Variants in CATSPERB observed in about 807,000 individuals in gnomAD.
CATSPERB encodes the protein cation channel sperm-associated auxiliary subunit beta.
Under a neutral mutation model 128.3 loss-of-function variants are expected in CATSPERB, and 93 were observed. The ratio of observed to expected loss-of-function variants is 0.72; its 90% confidence interval spans 0.61 to 0.86. The LOEUF (loss-of-function observed/expected upper bound fraction) is 0.86. Among genes scored for constraint, CATSPERB ranks in the 40% least tolerant of loss-of-function variants. The pLI, the probability that CATSPERB is intolerant of heterozygous loss-of-function variation, is 0.00. For missense variants in CATSPERB, 1,153 were observed against 1,329.5 expected (o/e 0.87, Z 2.06); for synonymous variants, 381 against 448.8 (o/e 0.85, Z 1.91).
chr14:91,665,056 AT>A (rs145367061), intron 14 of CATSPERB, among the ~76,000 whole-genome samples: 1 of 151,246 alleles, frequency 6.6e-6, no homozygotes. Flanking sequence ...CACCTGGATA[AT>A]TTTTTTTTAT....
chr14:91,646,594 G>A (rs1894611043), intron 15 of CATSPERB, among the ~76,000 whole-genome samples: 1 of 152,068 alleles, frequency 6.6e-6, no homozygotes, highest in African/African-American at 2.4e-5. Context: ...GTCCCTCTCT[G>A]ACCTTATCTC....
chr14:91,589,889 C>A (rs150104627), intron 23 of CATSPERB, among the ~76,000 whole-genome samples: 1 of 152,312 alleles, frequency 6.6e-6, no homozygotes, highest in African/African-American at 2.4e-5. Flanking sequence ...CTCATCACTT[C>A]TATAGGCCCT....
chr14:91,599,312 C>A (rs145655917), intron 22 of CATSPERB, among the ~76,000 whole-genome samples: 3,454 of 152,272 alleles, frequency 0.023, 128 homozygotes, highest in African/African-American at 0.076. Context: ...GTAATCCCAG[C>A]ACTTTGGGAG....
intron 9 of CATSPERB, among the ~76,000 whole-genome samples, chr14:91,692,667 A>C (rs901678046): frequency 1.3e-5 from 2 of 152,090 alleles, no homozygotes; most frequent in Admixed American, 1.3e-4. Context: ...AATTTTTGAG[A>C]GGTACTTGTT....
chr14:91,669,767 G>T, intron 14 of CATSPERB, 47 bp downstream of exon 14: 1 of 1,551,788 alleles, frequency 6.4e-7, no homozygotes, highest in Non-Finnish European at 8.7e-7. Flanking sequence ...CATACAGTAG[G>T]TGGATGATTT....
At chr14:91,627,712 C>T (rs919344248) in intron 17 of CATSPERB, among the ~76,000 whole-genome samples, 2 of 152,202 alleles carry the variant, frequency 1.3e-5, no homozygotes, top group Non-Finnish European at 2.9e-5. Context: ...CCTGTAATCC[C>T]AGCTACTCTG....
At chr14:91,691,950 A>AGCACTTTG (rs1330718103) in intron 9 of CATSPERB, among the ~76,000 whole-genome samples, 1 of 152,108 alleles carries the variant, frequency 6.6e-6, no homozygotes, top group African/African-American at 2.4e-5. Flanking sequence ...AGGCCGCGAT[A>AGCACTTTG]GGCGGATCAC....
At chr14:91,669,045 A>C (rs1299865758) in intron 14 of CATSPERB, among the ~76,000 whole-genome samples, 1 of 152,168 alleles carries the variant, frequency 6.6e-6, no homozygotes, top group Non-Finnish European at 1.5e-5. Flanking sequence ...TTTCTTTATA[A>C]ATTACCCCGT....
Position 91,588,033 on chromosome 14 carries a change from TCTA to T in CATSPERB, c.2999_3001del (p.Val1000del). On this transcript the variant is annotated inframe_deletion, in exon 25 of 27. Coordinates refer to ENST00000256343, the MANE Select transcript of CATSPERB (RefSeq NM_024764.4). ...ATACACTGCAGCACCAAGAATTGGT[TCTA>T]CTAATTGTTTCATTCTTTTAATATT... is the stretch of plus-strand genomic sequence containing the variant. 2 of 1,612,384 alleles carry T rather than the reference TCTA, an allele frequency of 1.2e-6. No homozygotes were observed. The highest frequency in any genetic ancestry group is 1.7e-6 in the Non-Finnish European group (2 of 1,178,786).
chr14:91,596,446 G>A (rs892583065), intron 22 of CATSPERB, among the ~76,000 whole-genome samples: 17 of 151,948 alleles, frequency 1.1e-4, no homozygotes, highest in South Asian at 2.1e-4. Context: ...CTTGTGATCC[G>A]CCCACCTTGG....
At chr14:91,677,849 G>A (rs887853705) in intron 11 of CATSPERB, among the ~76,000 whole-genome samples, 1 of 152,108 alleles carries the variant, frequency 6.6e-6, no homozygotes, top group South Asian at 2.1e-4. Flanking sequence ...TGGTAGACGG[G>A]ATAAAGAAAA....
chr14:91,719,298 T>C (rs943089648), intron 5 of CATSPERB, 120 bp downstream of exon 5: 1 of 618,800 alleles, frequency 1.6e-6, no homozygotes, highest in African/African-American at 1.9e-5. Flanking sequence ...ATGCCCCAAA[T>C]ACCACATGGG....
At chr14:91,693,265 A>G in intron 8 of CATSPERB, 21 bp from the exon 9 acceptor site, 5 of 1,584,496 alleles carry the variant, frequency 3.2e-6, no homozygotes, top group African/African-American at 1.3e-5. Flanking sequence ...AAATCATACC[A>G]TGGATTAAAA....
intron 20 of CATSPERB, among the ~76,000 whole-genome samples, chr14:91,611,685 A>G (rs528966379): frequency 6.6e-6 from 1 of 152,304 alleles, no homozygotes; most frequent in African/African-American, 2.4e-5. Flanking sequence ...GACTATAGTT[A>G]ATAATACTGT....
intron 15 of CATSPERB, among the ~76,000 whole-genome samples, chr14:91,647,235 ATG>A (rs1894621456): frequency 6.6e-6 from 1 of 152,072 alleles, no homozygotes; most frequent in African/African-American, 2.4e-5. Flanking sequence ...CCTTGGGGAT[ATG>A]TGTGAGTGTG....
chr14:91,619,545 C>CTTT (rs139548621), intron 19 of CATSPERB, among the ~76,000 whole-genome samples: 2,808 of 27,168 alleles, frequency 0.1, 43 homozygotes, highest in Middle Eastern at 0.29. Context: ...TCAAATAAGC[C>CTTT]TTTTTTTTAA....
chr14:91,628,020 T>C (rs1566709847), intron 17 of CATSPERB, among the ~76,000 whole-genome samples: 1 of 152,198 alleles, frequency 6.6e-6, no homozygotes, highest in Non-Finnish European at 1.5e-5. Flanking sequence ...AGAGTTATCT[T>C]CAGTGATTAA....
At chr14:91,609,564 G>T (rs1315952091) in intron 21 of CATSPERB, among the ~76,000 whole-genome samples, 1 of 152,116 alleles carries the variant, frequency 6.6e-6, no homozygotes, top group Non-Finnish European at 1.5e-5. Flanking sequence ...CTGGCTTGAT[G>T]TACTATCTGT....
intron 26 of CATSPERB, among the ~76,000 whole-genome samples, chr14:91,581,647 G>C (rs1013389984): frequency 6.6e-6 from 1 of 152,232 alleles, no homozygotes; most frequent in Non-Finnish European, 1.5e-5. Context: ...TGTTTCCTCT[G>C]CATGAATAGC....
Sources: allele counts gnomAD v4.1 joint callset (sites outside exome capture counted in the v4.1 genomes callset), GRCh38; gene constraint gnomAD v4.1.1; transcripts MANE v1.5; gene names NCBI Gene and HGNC (gene_info 2026-07-23, HGNC 2026-07-21).